OLFML2B: variants seen among roughly 807,000 people sequenced by gnomAD.
The protein encoded by OLFML2B is olfactomedin like 2B.
Under a neutral mutation model 74.9 loss-of-function variants are expected in OLFML2B, and 57 were observed. The observed-to-expected ratio is 0.76, with a 90% CI of 0.61 to 0.95. OLFML2B has a LOEUF of 0.95. Among genes scored for constraint, OLFML2B ranks in the 40% least tolerant of loss-of-function variants. The pLI, the probability that OLFML2B is intolerant of heterozygous loss-of-function variation, is 0.00. For missense variants in OLFML2B, 986 were observed against 970.6 expected, an observed-to-expected ratio of 1.02 and a Z score of -0.21; for synonymous variants, 388 against 405.8, an observed-to-expected ratio of 0.96 and a Z score of 0.53.
chr1:161,984,297 G>A (rs1689525455), intron 7 of OLFML2B, 21 bp from the exon 8 acceptor site: 2 of 1,516,424 alleles, frequency 1.3e-6, no homozygotes, highest in Admixed American at 2.3e-5. Context: ...GGAGAAAACA[G>A]GAGGCTTCAG....
chr1:161,993,424 A>G (rs192342631), intron 6 of OLFML2B, among the ~76,000 whole-genome samples: 4 of 152,114 alleles, frequency 2.6e-5, no homozygotes, highest in African/African-American at 9.6e-5. Context: ...TGGTCTCAAT[A>G]CAAGCTGTGC....
At position 162,023,229 on chromosome 1, in the gene OLFML2B, AG is replaced by A. The variant is rs1481762831; in HGVS notation, c.174+27del. Reference sequence around the variant, plus strand: ...GCTCTCACCACCATCCAGGGCAAGAAGGGCGGTCGTGGCACTCTGCATCCTA... The same window carrying A: ...GCTCTCACCACCATCCAGGGCAAGAAGGCGGTCGTGGCACTCTGCATCCTA... On this transcript the variant is annotated intron_variant, in intron 1 of 7. Transcript: ENST00000294794. 4 of 1,468,360 alleles carry A rather than the reference AG, an allele frequency of 2.7e-6. No homozygotes were observed. In the South Asian group the frequency reaches 5.7e-5, roughly 21 times the overall value. 91.0% of individuals were successfully genotyped at this position (1,468,360 alleles called of 1,614,324 possible). A position where few individuals can be genotyped will look rare whatever the true frequency, so the allele number is the denominator to read the frequency against.
rs777656632 is a variant in OLFML2B at position 161,990,851 on chromosome 1, G to C, written c.1475-5871C>G. Among the ~76,000 whole-genome samples, 12 of 152,188 alleles carry C rather than the reference G, an allele frequency of 7.9e-5. 1 individual carries two copies. Among genetic ancestry groups the C allele is most frequent in the African/African-American group, 1.7e-4 (7 of 41,448 alleles). On this transcript the variant is annotated intron_variant, in intron 6 of 7. Transcript: ENST00000294794. ...ACCATGCCACTGTTTTATCAACTAA[G>C]TTTATGTAATATTCAAAATCCTTTG...
intron 6 of OLFML2B, among the ~76,000 whole-genome samples, chr1:161,989,274 A>G (rs952192623): frequency 2.0e-5 from 3 of 152,088 alleles, no homozygotes; most frequent in Non-Finnish European, 2.9e-5. Context: ...CTGCATCACC[A>G]TTCTTACTGT....
chr1:162,006,841 C>T (rs576583010), intron 3 of OLFML2B, among the ~76,000 whole-genome samples: 3 of 152,276 alleles, frequency 2.0e-5, no homozygotes, highest in African/African-American at 7.2e-5. Context: ...ATTCCATTCA[C>T]TCGCATCCCA....
At position 161,984,945 on chromosome 1, in the gene OLFML2B, G is replaced by GT; in HGVS notation, c.1509_1510insA (p.Pro504ThrfsTer11). 1 of 1,610,566 alleles carries GT rather than the reference G, an allele frequency of 6.2e-7. No homozygotes were observed. On this transcript the variant is annotated frameshift_variant, in exon 7 of 8. Transcript: ENST00000294794. LOFTEE classifies it high-confidence loss of function. ...CGCCCATATGTGTTCTGGGTGGTCG[G>GT]CCCCGTGATTGTGGAGAGAGTGTCC... is the stretch of plus-strand genomic sequence containing the variant.
chr1:162,020,036 G>T lies in OLFML2B; in HGVS notation c.321C>A (p.Thr107=). The T allele has an allele frequency of 6.2e-7, 1 of 1,614,172 alleles. No individual in the cohort carries two copies. Among genetic ancestry groups the T allele is most frequent in the South Asian group, 1.1e-5 (1 of 91,082 alleles). The change falls in exon 2 of 8, where the codon ACC becomes ACA. Residue 107 remains threonine, a synonymous_variant. Coordinates refer to ENST00000294794, the MANE Select transcript of OLFML2B (RefSeq NM_015441.3). ...ACTTGCACGACGAGCCTGAGGTGAT[G>T]GTTTCCACGGTATAGAAGTCTTCCT... ...SRKEDFYTVE[T]ITSGSSCKCA...
Position 162,000,352 on chromosome 1 carries a change from G to A in OLFML2B, c.724-14C>T, listed in dbSNP as rs562242064. 7.2e-5 allele frequency: 115 copies of A among 1,607,006 alleles called. No homozygotes were observed. The highest frequency in any genetic ancestry group is 2.0e-4 in the East Asian group (9 of 44,760). Reference sequence around the variant, plus strand: ...CCGCTCTTCATACTGCTCCTCAGAGGGGACACAAGGGAAGGTCAGGTCACT... The same window carrying A: ...CCGCTCTTCATACTGCTCCTCAGAGAGGACACAAGGGAAGGTCAGGTCACT... On this transcript the variant is annotated splice_polypyrimidine_tract_variant and intron_variant, in intron 4 of 7. Coordinates refer to ENST00000294794, the MANE Select transcript of OLFML2B (RefSeq NM_015441.3).
intron 4 of OLFML2B, among the ~76,000 whole-genome samples, chr1:162,000,641 A>T (rs1016012069): frequency 1.2e-4 from 18 of 152,232 alleles, no homozygotes; most frequent in African/African-American, 4.3e-4. Flanking sequence ...TGAAGCCAGG[A>T]TGTCTGGTTC....
intron 6 of OLFML2B, among the ~76,000 whole-genome samples, chr1:161,985,929 C>T (rs751140332): frequency 6.6e-6 from 1 of 152,208 alleles, no homozygotes; most frequent in African/African-American, 2.4e-5. Context: ...TGGAACTATA[C>T]TGGGTTCTAG....
At chr1:162,005,902 C>CAAAAAA (rs71093139) in intron 4 of OLFML2B, among the ~76,000 whole-genome samples, 3 of 77,878 alleles carry the variant, frequency 3.9e-5, no homozygotes, top group African/African-American at 6.9e-5. Context: ...TGGAACCTAT[C>CAAAAAA]AAAAAAAAAA....
chr1:162,005,700 G>A (rs543842063), intron 4 of OLFML2B, among the ~76,000 whole-genome samples: 28 of 152,084 alleles, frequency 1.8e-4, no homozygotes, highest in Admixed American at 2.6e-4. Flanking sequence ...CAGACCAGCC[G>A]CATTTACAGA....
intron 6 of OLFML2B, among the ~76,000 whole-genome samples, chr1:161,991,167 C>T (rs146753399): frequency 2.6e-4 from 40 of 152,328 alleles, no homozygotes; most frequent in African/African-American, 9.1e-4. Context: ...GACCTCTTCC[C>T]ATGAATCATG....
At chr1:162,017,371 A>G in intron 3 of OLFML2B, 29 bp downstream of exon 3, 1 of 1,562,716 alleles carries the variant, frequency 6.4e-7, no homozygotes, top group East Asian at 2.2e-5. Flanking sequence ...CAATCAAGAA[A>G]AAGATATAGA....
intron 6 of OLFML2B, among the ~76,000 whole-genome samples, chr1:161,993,391 G>A (rs1213956733): frequency 6.6e-6 from 1 of 152,066 alleles, no homozygotes; most frequent in Admixed American, 6.6e-5. Flanking sequence ...TCACCACCCT[G>A]CGTTGAAGTC....
intron 6 of OLFML2B, among the ~76,000 whole-genome samples, chr1:161,994,300 C>T (rs1039215855): frequency 1.3e-5 from 2 of 152,250 alleles, no homozygotes; most frequent in Non-Finnish European, 2.9e-5. Flanking sequence ...CTCCCTGACA[C>T]GAGACAGGCA....
At chr1:161,985,448 G>A (rs1689567433) in intron 6 of OLFML2B, among the ~76,000 whole-genome samples, 1 of 152,190 alleles carries the variant, frequency 6.6e-6, no homozygotes, top group Non-Finnish European at 1.5e-5. Context: ...AGCACCAAGG[G>A]ATGAGGGAAT....
At chr1:162,007,732 C>T (rs1690272197) in intron 3 of OLFML2B, among the ~76,000 whole-genome samples, 1 of 152,144 alleles carries the variant, frequency 6.6e-6, no homozygotes, top group Non-Finnish European at 1.5e-5. Context: ...GTGGGCATAT[C>T]CAGGCTGTGA....
In OLFML2B at chr1:161,983,615, C is replaced by T; in HGVS notation, c.*60G>A. 2 of 1,544,194 alleles carry T rather than the reference C, an allele frequency of 1.3e-6. No individual in the cohort carries two copies. Among genetic ancestry groups the T allele is most frequent in the Non-Finnish European group, 1.8e-6 (2 of 1,138,094 alleles). On this transcript the variant is annotated 3_prime_UTR_variant, in exon 8 of 8. Transcript: ENST00000294794. The stretch of plus-strand genomic sequence containing the variant: ...ACCCACCTACACACACGTGCGCGCA[C>T]ACACATACACACAAGGTGCTAGTGA...
Sources: allele counts gnomAD v4.1 joint callset (sites outside exome capture counted in the v4.1 genomes callset), GRCh38; gene constraint gnomAD v4.1.1; transcripts MANE v1.5; gene names NCBI Gene and HGNC (gene_info 2026-07-23, HGNC 2026-07-21).